SEC61A1: variants seen among roughly 807,000 people sequenced by gnomAD.
The protein encoded by SEC61A1 is protein transport protein Sec61 subunit alpha isoform 1.
A neutral mutation model predicts 55.2 loss-of-function variants in SEC61A1; 15 were observed. The ratio of observed to expected loss-of-function variants is 0.27; its 90% CI spans 0.18 to 0.42. The LOEUF is 0.42. Among genes scored for constraint, SEC61A1 ranks in the 10% least tolerant of loss-of-function variants. The probability of loss-of-function intolerance (pLI) is 1.00; values close to 1 mark genes in which losing one functional copy is unlikely to be tolerated. For missense variants in SEC61A1, 284 were observed against 602.6 expected (o/e 0.47, Z 5.53); for synonymous variants, 247 against 234.0 (o/e 1.06, Z -0.51).
At chr3:128,064,673 G>C (rs1941908915) in intron 7 of SEC61A1, 2 of 569,562 alleles carry the variant, frequency 3.5e-6, no homozygotes, top group Non-Finnish European at 6.1e-6. Flanking sequence ...AAACAAACCA[G>C]AATAGCCCGT....
intron 2 of SEC61A1, 108 bp from the exon 3 acceptor site, chr3:128,055,408 A>G: frequency 1.2e-6 from 1 of 859,214 alleles, no homozygotes; most frequent in Non-Finnish European, 2.0e-6. Flanking sequence ...CAGAGAAAAG[A>G]GTCTGGTTGG....
At chr3:128,055,392 GCTGAACAGAGAAAAGAGT>G (rs2107641451) in intron 2 of SEC61A1, 106 bp from the exon 3 acceptor site, 1 of 790,688 alleles carries the variant, frequency 1.3e-6, no homozygotes, top group Non-Finnish European at 2.2e-6. Context: ...TGGCTTCTCT[GCTGAACAGAGAAAAGAGT>G]CTGGTTGGAG....
chr3:128,052,399 C>T (rs1187923411), upstream of SEC61A1: 89 of 1,212,642 alleles, frequency 7.3e-5, no homozygotes, highest in South Asian at 8.0e-5. Flanking sequence ...CGGCCCCGCC[C>T]CGCGCCGCGC....
In SEC61A1 at chr3:128,069,705, C is replaced by A. The variant is rs750349006; in HGVS notation, c.*43C>A. On this transcript the variant is annotated 3_prime_UTR_variant, in exon 12 of 12. Coordinates refer to ENST00000243253, the MANE Select transcript of SEC61A1 (RefSeq NM_013336.4). ...GTTGAGGAAGCTGCTCCAGAAGCGC[C>A]TCGGAAGGGGAGCTCTCATCATGGC... 6.3e-7 allele frequency: 1 copy of A among 1,576,682 alleles called. No individual in the cohort carries two copies. The highest frequency in any genetic ancestry group is 1.7e-5 in the Admixed American group (1 of 58,958).
chr3:128,057,183 C>T (rs138684179), intron 5 of SEC61A1, among the ~76,000 whole-genome samples: 2,217 of 152,326 alleles, frequency 0.015, 50 homozygotes, highest in African/African-American at 0.049. Flanking sequence ...CCACCCGCCT[C>T]GGCCTCCCAA....
rs775662884 is a variant in SEC61A1, at chr3:128,064,897, A to G, written c.637A>G (p.Ile213Val). ...TGRGMEFEGA[I>V]IALFHLLATR... Reference sequence around the variant, plus strand: ...AACAGGAATGGAATTTGAAGGTGCTATCATCGCACTTTTCCATCTGCTGGC... The same window carrying G: ...AACAGGAATGGAATTTGAAGGTGCTGTCATCGCACTTTTCCATCTGCTGGC... Residue 213 changes from isoleucine (I) to valine (V), a missense_variant, in exon 8 of 12, where the codon ATC (isoleucine) becomes GTC (valine). By Grantham distance (29) the Ile-to-Val change is conservative. Coordinates refer to ENST00000243253, the MANE Select transcript of SEC61A1 (RefSeq NM_013336.4). 2.6e-5 allele frequency: 42 copies of G among 1,610,220 alleles called. No individual in the cohort carries two copies. The highest frequency in any genetic ancestry group is 3.3e-5 in the Non-Finnish European group (39 of 1,177,802).
intron 11 of SEC61A1, 53 bp downstream of exon 11, chr3:128,068,112 C>T (rs1026447751): frequency 3.8e-5 from 55 of 1,460,656 alleles, no homozygotes; most frequent in Non-Finnish European, 4.8e-5. Context: ...TGTGTTGTTT[C>T]TTTCCATGCA....
rs1559799431 is a variant in SEC61A1 at position 128,068,172 on chromosome 3, T to G, written c.1244+113T>G. On this transcript the variant is annotated intron_variant, in intron 11 of 11. Coordinates refer to ENST00000243253, the MANE Select transcript of SEC61A1 (RefSeq NM_013336.4). Reference sequence around the variant, plus strand: ...TTACTGGGTCACTAAATCTTATCCTTGGGTTACAGGACAGAATTAAATGTT... The same window carrying G: ...TTACTGGGTCACTAAATCTTATCCTGGGGTTACAGGACAGAATTAAATGTT... 4.0e-6 allele frequency: 3 copies of G among 753,846 alleles called. No individual in the cohort carries two copies. The East Asian group carries it at 7.8e-5, about 20-fold the overall frequency. 46.7% of individuals were successfully genotyped at this position (753,846 alleles called of 1,614,324 possible).
rs371029448 is a variant in SEC61A1, at chr3:128,052,860, C to A, written c.33C>A (p.Pro11=). 6.2e-7 allele frequency: 1 copy of A among 1,613,544 alleles called. No homozygotes were observed. Among genetic ancestry groups the A allele is most frequent in the Non-Finnish European group, 8.5e-7 (1 of 1,179,822 alleles). MAIKFLEVIK[P]FCVILPEIQK... is the part of the protein sequence containing the mutation. ...TCAAATTTCTGGAAGTCATCAAGCC[C>A]TTCTGTGTCATCCTGCCGGAAATTC... Residue 11 remains proline (P), a synonymous_variant, in exon 2 of 12, where the codon CCC becomes CCA. Coordinates refer to ENST00000243253, the MANE Select transcript of SEC61A1 (RefSeq NM_013336.4).
intron 7 of SEC61A1, among the ~76,000 whole-genome samples, chr3:128,062,875 A>G (rs1265459939): frequency 6.6e-6 from 1 of 152,206 alleles, no homozygotes; most frequent in Non-Finnish European, 1.5e-5. Flanking sequence ...CAATCTGGAG[A>G]TGTCACACCT....
chr3:128,063,655 G>A (rs1576422273), intron 7 of SEC61A1, among the ~76,000 whole-genome samples: 1 of 152,204 alleles, frequency 6.6e-6, no homozygotes. Flanking sequence ...TTTTTTAAAA[G>A]TGCTCCTCAG....
At chr3:128,058,934 G>A (rs1047458731) in intron 5 of SEC61A1, among the ~76,000 whole-genome samples, 1 of 152,198 alleles carries the variant, frequency 6.6e-6, no homozygotes, top group East Asian at 1.9e-4. Context: ...ACAATGTTTT[G>A]AATGTTTTCC....
chr3:128,053,534 C>G (rs1475144553), intron 2 of SEC61A1, among the ~76,000 whole-genome samples: 1 of 152,138 alleles, frequency 6.6e-6, no homozygotes, highest in African/African-American at 2.4e-5. Context: ...TCATTAGGTT[C>G]CTAGGTTAGA....
At chr3:128,060,930 C>G (rs756796365) in intron 7 of SEC61A1, among the ~76,000 whole-genome samples, 1 of 152,204 alleles carries the variant, frequency 6.6e-6, no homozygotes, top group Non-Finnish European at 1.5e-5. Flanking sequence ...TTTCTTAGCA[C>G]AGTATAAGCT....
Position 128,069,871 on chromosome 3 carries a change from A to G in SEC61A1, c.*209A>G. ...ACTGGCAAAAAGAACTGTGAAAGTG[A>G]AATTTTATTCAGCCGACTGCCAGAG... is the stretch of plus-strand genomic sequence containing the variant. On this transcript the variant is annotated 3_prime_UTR_variant, in exon 12 of 12. Transcript: ENST00000243253. The G allele has an allele frequency of 1.8e-6, 1 of 565,490 alleles. No individual in the cohort carries two copies. The highest frequency in any genetic ancestry group is 3.1e-6 in the Non-Finnish European group (1 of 320,230). 35.0% of individuals were successfully genotyped at this position (565,490 alleles called of 1,614,324 possible).
At chr3:128,054,602 G>C (rs1941744005) in intron 2 of SEC61A1, among the ~76,000 whole-genome samples, 1 of 145,276 alleles carries the variant, frequency 6.9e-6, no homozygotes, top group South Asian at 2.2e-4. Context: ...CAGGAATGCT[G>C]ACTCAGTGCC....
chr3:128,070,633 A>G lies in SEC61A1; in HGVS notation c.*971A>G, dbSNP rs1050259957. On this transcript the variant is annotated 3_prime_UTR_variant, in exon 12 of 12. Transcript: ENST00000243253. ...CTTACTGTGCTTAGGACTGCACGCAAGTGAGCAGACACCACCGACTTCCTT... is the reference window on the plus strand; with the variant it reads ...CTTACTGTGCTTAGGACTGCACGCAGGTGAGCAGACACCACCGACTTCCTT... 1 of 152,286 alleles carries G rather than the reference A, an allele frequency of 6.6e-6. No homozygotes were observed. The highest frequency in any genetic ancestry group is 1.5e-5 in the Non-Finnish European group (1 of 68,084). The allele number at this position is 152,286 out of a possible 1,614,324, so 9.4% of individuals were successfully genotyped here. A position where few individuals can be genotyped will look rare whatever the true frequency, so the allele number is the denominator to read the frequency against.
rs1350150700 is a variant in SEC61A1 at position 128,052,492 on chromosome 3, G to A, written c.-61G>A. The A allele has an allele frequency of 5.7e-5, 90 of 1,566,662 alleles. No individual in the cohort carries two copies. The highest frequency in any genetic ancestry group is 7.7e-5 in the Non-Finnish European group (89 of 1,157,514). ...TGGAACGCGCTGGGCCGCGGGCAGCGTCGCCTCACGCGGAGCAGAGCTGAG... is the reference window on the plus strand; with the variant it reads ...TGGAACGCGCTGGGCCGCGGGCAGCATCGCCTCACGCGGAGCAGAGCTGAG... On this transcript the variant is annotated 5_prime_UTR_variant, in exon 1 of 12. Transcript: ENST00000243253.
At chr3:128,066,210 T>C (rs772868366) in intron 8 of SEC61A1, among the ~76,000 whole-genome samples, 11 of 152,138 alleles carry the variant, frequency 7.2e-5, no homozygotes, top group Non-Finnish European at 1.3e-4. Flanking sequence ...GGAACTATTA[T>C]AAGGTGTGAG....
Sources: allele counts gnomAD v4.1 joint callset (sites outside exome capture counted in the v4.1 genomes callset), GRCh38; gene constraint gnomAD v4.1.1; transcripts MANE v1.5; gene names NCBI Gene and HGNC (gene_info 2026-07-23, HGNC 2026-07-21).